The following PPARD variants were observed in gnomAD, a reference collection of about 807,000 sequenced individuals.
The protein encoded by PPARD is peroxisome proliferator-activated receptor delta.
In PPARD, 6 loss-of-function variants were observed where a neutral mutation model predicts 39.5. The observed-to-expected ratio is 0.15, with a 90% confidence interval of 0.08 to 0.30. PPARD has a LOEUF of 0.30. PPARD is among the 10% of genes least tolerant of loss of function. The pLI is 1.00. For missense variants in PPARD, 397 were observed against 596.8 expected (o/e 0.67, Z 3.49); for synonymous variants, 210 against 231.3 (o/e 0.91, Z 0.83).
intron 2 of PPARD, among the ~76,000 whole-genome samples, chr6:35,372,236 G>T (rs1025078294): frequency 7.9e-5 from 12 of 152,146 alleles, no homozygotes; most frequent in African/African-American, 2.9e-4. Flanking sequence ...GGAGTGGAGT[G>T]GCATGATCTC....
chr6:35,355,897 C>T (rs963377156), intron 2 of PPARD, among the ~76,000 whole-genome samples: 1 of 151,802 alleles, frequency 6.6e-6, no homozygotes, highest in Non-Finnish European at 1.5e-5. Flanking sequence ...AGTCATGAGC[C>T]ACGATGCCCG....
intron 2 of PPARD, among the ~76,000 whole-genome samples, chr6:35,391,822 T>A (rs1269870364): frequency 6.6e-6 from 1 of 152,106 alleles, no homozygotes; most frequent in African/African-American, 2.4e-5. Context: ...AAATAGACAC[T>A]CAGAGAAGTG....
intron 4 of PPARD, 112 bp from the exon 5 acceptor site, chr6:35,421,708 T>G: frequency 8.2e-7 from 1 of 1,222,072 alleles, no homozygotes; most frequent in Non-Finnish European, 1.1e-6. Context: ...AAATTTCTTC[T>G]CGTTACTTCC....
intron 3 of PPARD, among the ~76,000 whole-genome samples, chr6:35,414,708 C>T (rs1478954936): frequency 6.6e-6 from 1 of 152,166 alleles, no homozygotes; most frequent in Non-Finnish European, 1.5e-5. Flanking sequence ...TCAGCACCTG[C>T]TAGTTCTCTG....
chr6:35,424,310 A>C lies in PPARD; in HGVS notation c.628-19A>C, dbSNP rs759841599. The C allele has an allele frequency of 8.7e-6, 14 of 1,608,050 alleles. No homozygotes were observed. Among genetic ancestry groups the C allele is most frequent in the Admixed American group, 3.3e-5 (2 of 59,908 alleles). ...GGGGGTCTCCCGAGGCCTGATCTCT[A>C]ACGGGGCCTGGTTTTCAGCCCTTTG... is the stretch of plus-strand genomic sequence containing the variant. On this transcript the variant is annotated intron_variant, in intron 6 of 7. Coordinates refer to ENST00000360694, the MANE Select transcript of PPARD (RefSeq NM_006238.5). This position sits in a 1 kb window ranked among gnomAD's most constrained non-coding sequence, Gnocchi z 7.1.
intron 3 of PPARD, among the ~76,000 whole-genome samples, chr6:35,419,795 C>G (rs1216133987): frequency 6.6e-6 from 1 of 152,182 alleles, no homozygotes; most frequent in African/African-American, 2.4e-5. Context: ...GCTTTCCTCC[C>G]AAAACACAGC....
intron 1 of PPARD, among the ~76,000 whole-genome samples, chr6:35,346,435 G>T (rs1253791662): frequency 6.6e-6 from 1 of 152,146 alleles, no homozygotes; most frequent in African/African-American, 2.4e-5. Context: ...CCCTGTGCCC[G>T]GTGCCATTGT....
At chr6:35,403,442 A>T (rs1221427031) in intron 2 of PPARD, among the ~76,000 whole-genome samples, 1 of 151,688 alleles carries the variant, frequency 6.6e-6, no homozygotes, top group African/African-American at 2.4e-5. Flanking sequence ...GGTGGAATTC[A>T]CTTCTTTGGA....
At chr6:35,385,656 A>AC (rs113127047) in intron 2 of PPARD, among the ~76,000 whole-genome samples, 6,519 of 149,854 alleles carry the variant, frequency 0.044, 348 homozygotes, top group African/African-American at 0.12. Flanking sequence ...TAAAAAAAAA[A>AC]AAAAAAAAAA....
intron 4 of PPARD, 71 bp downstream of exon 4, chr6:35,420,352 C>A (rs1766067177): frequency 6.7e-7 from 1 of 1,492,446 alleles, no homozygotes; most frequent in East Asian, 2.5e-5. Context: ...CTCCACAAAG[C>A]TTTCCTTGCC....
At chr6:35,387,661 G>T (rs1161700865) in intron 2 of PPARD, among the ~76,000 whole-genome samples, 1 of 146,424 alleles carries the variant, frequency 6.8e-6, no homozygotes, top group African/African-American at 2.5e-5. Flanking sequence ...TTTTTTTTTT[G>T]ATTGAGTGTA....
chr6:35,345,198 C>T (rs1792099281), intron 1 of PPARD, among the ~76,000 whole-genome samples: 1 of 152,204 alleles, frequency 6.6e-6, no homozygotes, highest in South Asian at 2.1e-4. Flanking sequence ...TTTGTCCACT[C>T]TCATTTTCTG....
chr6:35,421,888 G>A lies in PPARD; in HGVS notation c.354G>A (p.Gln118=). The A allele has an allele frequency of 6.2e-7, 1 of 1,614,054 alleles. No individual in the cohort carries two copies. The highest frequency in any genetic ancestry group is 8.5e-7 in the Non-Finnish European group (1 of 1,179,962). ...AGTGTGAGCGCAGCTGCAAGATTCAGAAGAAGAACCGCAACAAGTGCCAGT... is the reference window on the plus strand; with the variant it reads ...AGTGTGAGCGCAGCTGCAAGATTCAAAAGAAGAACCGCAACAAGTGCCAGT... The part of the protein sequence containing the change: ...YEKCERSCKI[Q]KKNRNKCQYC... The change falls in exon 5 of 8, where the codon CAG becomes CAA. Residue 118 remains glutamine (Q), a synonymous_variant. Transcript: ENST00000360694.
At chr6:35,392,939 G>A (rs1355320348) in intron 2 of PPARD, among the ~76,000 whole-genome samples, 4 of 152,186 alleles carry the variant, frequency 2.6e-5, no homozygotes, top group Non-Finnish European at 5.9e-5. Flanking sequence ...AACTGGCTCC[G>A]GCTGAAGCAG....
rs1762009351 is a variant in PPARD, at chr6:35,363,091, G to A, written c.-102+15941G>A. Among the ~76,000 whole-genome samples the A allele has an allele frequency of 6.6e-6, 1 of 152,214 alleles. No homozygotes were observed. Among genetic ancestry groups the A allele is most frequent in the Non-Finnish European group, 1.5e-5 (1 of 68,038 alleles). On this transcript the variant is annotated intron_variant, in intron 2 of 7. Transcript: ENST00000360694. The surrounding 1 kb of genome is among the most constrained non-coding windows in gnomAD (Gnocchi z 4.5). Reference sequence around the variant, plus strand: ...TTCCGTTCCAGAAACGCATCTCAAAGCAAGGGAGAAAATTGAAGATGGGGT... The same window carrying A: ...TTCCGTTCCAGAAACGCATCTCAAAACAAGGGAGAAAATTGAAGATGGGGT...
intron 2 of PPARD, among the ~76,000 whole-genome samples, chr6:35,354,153 AC>A (rs1358958867): frequency 7.2e-6 from 1 of 138,884 alleles, no homozygotes; most frequent in Non-Finnish European, 1.5e-5. Flanking sequence ...AATGGCATGA[AC>A]CCGGGAGGCG....
chr6:35,400,897 G>T (rs1764658053), intron 2 of PPARD, among the ~76,000 whole-genome samples: 1 of 152,176 alleles, frequency 6.6e-6, no homozygotes, highest in African/African-American at 2.4e-5. Context: ...TGGCATCCTG[G>T]TCACAAGAGC....
chr6:35,418,637 C>A (rs1765935558), intron 3 of PPARD, among the ~76,000 whole-genome samples: 2 of 152,230 alleles, frequency 1.3e-5, no homozygotes, highest in African/African-American at 4.8e-5. Context: ...CCTCCCAGAG[C>A]ACAGCTTTTC....
chr6:35,343,498 A>G (rs951005931), intron 1 of PPARD, among the ~76,000 whole-genome samples: 1 of 150,488 alleles, frequency 6.6e-6, no homozygotes, highest in Non-Finnish European at 1.5e-5. Flanking sequence ...ACTCTACTCT[A>G]CTTTCACTTG....
Sources: allele counts gnomAD v4.1 joint callset (sites outside exome capture counted in the v4.1 genomes callset), GRCh38; gene constraint gnomAD v4.1.1; non-coding constraint Gnocchi (gnomAD v3.1); transcripts MANE v1.5; gene names NCBI Gene and HGNC (gene_info 2026-07-23, HGNC 2026-07-21).